GRIP1: variants seen among roughly 807,000 people sequenced by gnomAD.
GRIP1 encodes the protein glutamate receptor-interacting protein 1.
In GRIP1, 45 loss-of-function variants were observed where a neutral mutation model predicts 129.9. The ratio of observed to expected loss-of-function variants is 0.35; its 90% CI spans 0.27 to 0.44. The LOEUF (loss-of-function observed/expected upper bound fraction) is 0.44, where lower values mean the gene tolerates loss of function less well. Ranked by LOEUF, GRIP1 falls within the 20% of genes least tolerant of loss-of-function variation. The pLI, the probability that GRIP1 is intolerant of heterozygous loss-of-function variation, is 1.00. For synonymous variants in GRIP1, 530 were observed against 520.8 expected, an observed-to-expected ratio of 1.02 and a Z score of -0.24; for missense variants, 1,196 against 1,396.8, an observed-to-expected ratio of 0.86 and a Z score of 2.29.
At chr12:67,067,021 C>T (rs11176562) in intron 1 of GRIP1, among the ~76,000 whole-genome samples, 19,555 of 150,768 alleles carry the variant, frequency 0.13, 1,313 homozygotes, top group Middle Eastern at 0.17. Context: ...AAAAGAAATG[C>T]TACAACCAAA....
chr12:66,918,229 C>A (rs2041158478), intron 1 of GRIP1, among the ~76,000 whole-genome samples: 1 of 152,012 alleles, frequency 6.6e-6, no homozygotes, highest in East Asian at 1.9e-4. Flanking sequence ...CCAAGAGGAG[C>A]CAATGGAGTC....
At chr12:66,790,718 G>C (rs1372881340) in intron 1 of GRIP1, among the ~76,000 whole-genome samples, 1 of 152,064 alleles carries the variant, frequency 6.6e-6, no homozygotes, top group East Asian at 1.9e-4. Flanking sequence ...CTAAGGTATT[G>C]AGTTCAGTTT....
At chr12:66,493,428 C>T (rs184761625) in intron 7 of GRIP1, among the ~76,000 whole-genome samples, 16 of 152,200 alleles carry the variant, frequency 1.1e-4, no homozygotes, top group East Asian at 3.9e-4. Flanking sequence ...TTTTGAAACT[C>T]GTATTTTCAA....
At chr12:66,945,825 C>T (rs1057271420) in intron 1 of GRIP1, among the ~76,000 whole-genome samples, 1 of 152,226 alleles carries the variant, frequency 6.6e-6, no homozygotes, top group African/African-American at 2.4e-5. Context: ...CTCCATTCCA[C>T]ATCCTATGAA....
At chr12:66,671,341 T>C (rs2034069671) in intron 1 of GRIP1, among the ~76,000 whole-genome samples, 1 of 152,208 alleles carries the variant, frequency 6.6e-6, no homozygotes, top group Non-Finnish European at 1.5e-5. Context: ...ATCTGTCTCG[T>C]GGTCTCACAC....
chr12:66,487,571 A>G (rs2059989581), intron 7 of GRIP1, among the ~76,000 whole-genome samples: 1 of 152,180 alleles, frequency 6.6e-6, no homozygotes, highest in African/African-American at 2.4e-5. Context: ...AAGCAACCAC[A>G]TAAACAAGTC....
At chr12:66,516,909 T>C (rs2060860812) in intron 6 of GRIP1, among the ~76,000 whole-genome samples, 1 of 152,226 alleles carries the variant, frequency 6.6e-6, no homozygotes, top group African/African-American at 2.4e-5. Flanking sequence ...GTTCTTTGAC[T>C]TACTCACTGC....
intron 23 of GRIP1, among the ~76,000 whole-genome samples, chr12:66,360,146 C>T (rs1053784611): frequency 6.6e-6 from 1 of 151,594 alleles, no homozygotes; most frequent in Admixed American, 6.6e-5. Context: ...GAATATCTGA[C>T]CTCGTTTGCT....
At chr12:66,376,017 G>A (rs901220360) in intron 22 of GRIP1, among the ~76,000 whole-genome samples, 7 of 152,198 alleles carry the variant, frequency 4.6e-5, no homozygotes, top group African/African-American at 7.2e-5. Flanking sequence ...TAAGCCAGCT[G>A]ATACTTCAGC....
At chr12:67,005,330 T>C (rs1222134303) in intron 1 of GRIP1, among the ~76,000 whole-genome samples, 3 of 152,224 alleles carry the variant, frequency 2.0e-5, no homozygotes, top group African/African-American at 4.8e-5. Flanking sequence ...ATCACAGATA[T>C]GTTGTTGATA....
chr12:66,721,376 G>A (rs978837582), intron 1 of GRIP1, among the ~76,000 whole-genome samples: 2 of 152,044 alleles, frequency 1.3e-5, no homozygotes, highest in African/African-American at 4.8e-5. Flanking sequence ...CCAGGTTCAA[G>A]CAATTCTCAT....
intron 1 of GRIP1, among the ~76,000 whole-genome samples, chr12:66,624,748 T>C (rs141344960): frequency 1.3e-5 from 2 of 152,310 alleles, no homozygotes; most frequent in South Asian, 2.1e-4. Context: ...AGCACATCTG[T>C]AAAAGATGTG....
intron 15 of GRIP1, among the ~76,000 whole-genome samples, chr12:66,417,107 A>G (rs377433940): frequency 1.3e-5 from 2 of 152,182 alleles, no homozygotes; most frequent in African/African-American, 4.8e-5. Context: ...AAGTTGGATC[A>G]CAACCCAGGG....
chr12:66,585,209 G>A (rs1204792690), intron 2 of GRIP1, among the ~76,000 whole-genome samples: 12 of 139,866 alleles, frequency 8.6e-5, no homozygotes, highest in East Asian at 4.2e-4. Context: ...CCACTAACTC[G>A]TCATCTAGCA....
chr12:66,805,628 C>G (rs1385626054), upstream of GRIP1, among the ~76,000 whole-genome samples: 1 of 152,188 alleles, frequency 6.6e-6, no homozygotes, highest in African/African-American at 2.4e-5. Context: ...CCAGAGGGAA[C>G]TGACTGCACT....
chr12:66,410,541 G>A (rs796857744), intron 15 of GRIP1, among the ~76,000 whole-genome samples: 30 of 151,922 alleles, frequency 2.0e-4, no homozygotes, highest in African/African-American at 7.0e-4. Context: ...CACTTGGGAG[G>A]CTGAGGCAGG....
upstream of GRIP1, among the ~76,000 whole-genome samples, chr12:66,684,008 G>A (rs78709373): frequency 3.3e-3 from 505 of 152,298 alleles, 3 homozygotes; most frequent in African/African-American, 0.012. Flanking sequence ...AAATGGCTGC[G>A]TGACCTTGGG....
At chr12:66,590,884 T>C (rs970145285) in intron 2 of GRIP1, among the ~76,000 whole-genome samples, 1 of 152,234 alleles carries the variant, frequency 6.6e-6, no homozygotes, top group Non-Finnish European at 1.5e-5. Flanking sequence ...ACAGAAAACA[T>C]GTGGTCAACA....
At position 66,747,148 on chromosome 12, in the gene GRIP1, T is replaced by C. The variant is rs565239655; in HGVS notation, c.-420+56905A>G. The stretch of plus-strand genomic sequence containing the variant: ...AGTTGGATGTAGAAAAGAAGTGAAC[T>C]GAGAAGGAAATGAACATATTAAACA... On this transcript the variant is annotated intron_variant, in intron 1 of 4. Coordinates refer to the GRIP1 transcript ENST00000538373. 3.3e-5 allele frequency among the ~76,000 whole-genome samples: 5 copies of C among 152,146 alleles called. No individual in the cohort carries two copies. The South Asian group carries it at 1.0e-3, about 32-fold the overall frequency.
Sources: gnomAD v4.1 joint callset for allele counts (sites outside exome capture counted in the v4.1 genomes callset) on GRCh38, gnomAD v4.1.1 for gene constraint, MANE v1.5 for transcripts, NCBI Gene and HGNC (gene_info 2026-07-23, HGNC 2026-07-21) for gene names.